The following GAMT variants were observed in gnomAD, a reference collection of about 807,000 sequenced individuals.
GAMT encodes the protein guanidinoacetate N-methyltransferase, also known as epididymis secretory protein Li 20.
Under a neutral mutation model 26.9 loss-of-function variants are expected in GAMT, and 26 were observed. The ratio of observed to expected loss-of-function variants is 0.97; its 90% confidence interval spans 0.71 to 1.34. The LOEUF is 1.34. Ranked by LOEUF, GAMT falls within the 40% of genes most tolerant of loss-of-function variation. The probability of loss-of-function intolerance (pLI) is 0.00; values close to 1 mark genes in which losing one functional copy is unlikely to be tolerated. For synonymous variants in GAMT, 169 were observed against 149.6 expected (o/e 1.13, Z -0.95); for missense variants, 412 against 345.0 (o/e 1.19, Z -1.54).
At position 1,399,689 on chromosome 19, in the gene GAMT, ACCACCTCCT is replaced by A; in HGVS notation, c.327+95_327+103del. 3 of 1,523,124 alleles carry A rather than the reference ACCACCTCCT, an allele frequency of 2.0e-6. No individual in the cohort carries two copies. In the South Asian group the frequency reaches 3.6e-5, roughly 18 times the overall value. 94.4% of individuals were successfully genotyped at this position (1,523,124 alleles called of 1,614,324 possible). ...GCCAGGGGGACTCCCGAGAGAGAAG[ACCACCTCCT>A]CCACCTCTGACAGCCCCAGGCCCCC... On this transcript the variant is annotated intron_variant, in intron 2 of 5. Transcript: ENST00000252288. This position sits in a 1 kb window ranked among gnomAD's most constrained non-coding sequence, Gnocchi z 6.2.
rs368123759 is a variant in GAMT at position 1,397,686 on chromosome 19, G to A, written c.571-187C>T. The A allele has an allele frequency of 1.2e-4, 169 of 1,384,874 alleles. No individual in the cohort carries two copies. The East Asian group carries it at 2.7e-3, about 22-fold the overall frequency. The allele number at this position is 1,384,874 out of a possible 1,614,324, so 85.8% of individuals were successfully genotyped here. On this transcript the variant is annotated intron_variant, in intron 5 of 5. Coordinates refer to ENST00000252288, the MANE Select transcript of GAMT (RefSeq NM_000156.6). ...ACGGGAATCTCCAGCTCCCCAGTGC[G>A]GGCAGCAGCTTCCCGGCTGTCCTGG... is the stretch of plus-strand genomic sequence containing the variant.
chr19:1,401,407 G>A lies in GAMT; in HGVS notation c.70C>T (p.Pro24Ser). The change falls in exon 1 of 6, where the codon CCC (proline) becomes TCC (serine). Residue 24 changes from proline (P) to serine (S), a missense_variant. Physicochemically the swap from Pro to Ser is moderately conservative, Grantham distance 74 (BLOSUM62 -1). Transcript: ENST00000252288. ...GTGTCCGCTGCGTCGTAGGCCGCGGGCGCCGCCCCCCACGCGGGGCTGCAG... is the reference window on the plus strand; with the variant it reads ...GTGTCCGCTGCGTCGTAGGCCGCGGACGCCGCCCCCCACGCGGGGCTGCAG... ...ENCSPAWGAA[P>S]AAYDAADTHL... 1 of 1,455,590 alleles carries A rather than the reference G, an allele frequency of 6.9e-7. No individual in the cohort carries two copies. The highest frequency in any genetic ancestry group is 9.0e-7 in the Non-Finnish European group (1 of 1,106,826). The allele number at this position is 1,455,590 out of a possible 1,614,324, so 90.2% of individuals were successfully genotyped here. A position where few individuals can be genotyped will look rare whatever the true frequency, so the allele number is the denominator to read the frequency against.
chr19:1,398,200 T>A, intron 5 of GAMT: 2 of 496,396 alleles, frequency 4.0e-6, no homozygotes, highest in Non-Finnish European at 5.2e-6. Context: ...CATGTTCAAG[T>A]GATTCTCATG....
chr19:1,401,391 G>A lies in GAMT; in HGVS notation c.86C>T (p.Ala29Val). Residue 29 changes from alanine (A) to valine (V), a missense_variant, in exon 1 of 6, where the codon GCA becomes GTA. Transcript: ENST00000252288. ...CAGGATGCGCAGGTGCGTGTCCGCTGCGTCGTAGGCCGCGGGCGCCGCCCC... is the reference window on the plus strand; with the variant it reads ...CAGGATGCGCAGGTGCGTGTCCGCTACGTCGTAGGCCGCGGGCGCCGCCCC... ...AWGAAPAAYD[A>V]ADTHLRILGK... The A allele has an allele frequency of 2.0e-6, 3 of 1,475,176 alleles. No homozygotes were observed. Among genetic ancestry groups the A allele is most frequent in the African/African-American group, 1.5e-5 (1 of 68,936 alleles). The allele number at this position is 1,475,176 out of a possible 1,614,324, so 91.4% of individuals were successfully genotyped here.
At position 1,401,342 on chromosome 19, in the gene GAMT, C is replaced by T; in HGVS notation, c.135G>A (p.Trp45Ter). 6.5e-7 allele frequency: 1 copy of T among 1,538,032 alleles called. No homozygotes were observed. The highest frequency in any genetic ancestry group is 8.7e-7 in the Non-Finnish European group (1 of 1,151,300). Reference sequence around the variant, plus strand: ...CCAGCGCGTGCATATAGGGGGTCTCCCAGCGCTCCATCACCGGCTTGCCCA... The same window carrying T: ...CCAGCGCGTGCATATAGGGGGTCTCTCAGCGCTCCATCACCGGCTTGCCCA... ...RILGKPVMER[W>*]ETPYMHALAA... Residue 45 changes from tryptophan to a stop codon, truncating the protein, a stop_gained, in exon 1 of 6, where the codon TGG becomes TGA. Coordinates refer to ENST00000252288, the MANE Select transcript of GAMT (RefSeq NM_000156.6). LOFTEE classifies it high-confidence loss of function.
At chr19:1,397,851 C>T (rs2082609568) in intron 5 of GAMT, 3 of 1,153,886 alleles carry the variant, frequency 2.6e-6, no homozygotes, top group Admixed American at 8.2e-5. Context: ...AGAAAAGCTG[C>T]CCCAGGGGCC....
chr19:1,398,971 G>T lies in GAMT; in HGVS notation c.515C>A (p.Thr172Asn). Residue 172 changes from threonine to asparagine, a missense_variant, in exon 5 of 6, where the codon ACC (threonine) becomes AAC (asparagine). Physicochemically the swap from Thr to Asn is moderately conservative, Grantham distance 65. Coordinates refer to ENST00000252288, the MANE Select transcript of GAMT (RefSeq NM_000156.6). ...PGGVLTYCNL[T>N]SWGELMKSKY... ...GGACTTCATCAGCTCCCCCCAGGAG[G>T]TGAGGTTGCAGTAGGTGAGGACGCC... The T allele has an allele frequency of 6.2e-7, 1 of 1,613,496 alleles. No individual in the cohort carries two copies.
Position 1,399,721 on chromosome 19 carries a change from C to T in GAMT, c.327+72G>A. On this transcript the variant is annotated intron_variant, in intron 2 of 5. Coordinates refer to ENST00000252288, the MANE Select transcript of GAMT (RefSeq NM_000156.6). The surrounding 1 kb of genome is among the most constrained non-coding windows in gnomAD (Gnocchi z 6.2). Reference sequence around the variant, plus strand: ...CCTCCACCTCTGACAGCCCCAGGCCCCCAACCCCCAGGAAGCAGTGCCCTC... The same window carrying T: ...CCTCCACCTCTGACAGCCCCAGGCCTCCAACCCCCAGGAAGCAGTGCCCTC... 1.3e-6 allele frequency: 2 copies of T among 1,530,864 alleles called. No homozygotes were observed. The highest frequency in any genetic ancestry group is 1.8e-6 in the Non-Finnish European group (2 of 1,139,186). The allele number at this position is 1,530,864 out of a possible 1,614,324, so 94.8% of individuals were successfully genotyped here.
rs1441030187 is a variant in GAMT, at chr19:1,399,896, G to A, written c.224C>T (p.Ala75Val). ...AATGGGCGCCTCCTGCACCTTTGAC[G>A]CTGCGATGGCCATGCCAAAGCCCAC... ...LEVGFGMAIA[A>V]SKVQEAPIDE... Residue 75 changes from alanine to valine, a missense_variant, in exon 2 of 6, where the codon GCG becomes GTG. Physicochemically the swap from Ala to Val is moderately conservative, Grantham distance 64. Coordinates refer to ENST00000252288, the MANE Select transcript of GAMT (RefSeq NM_000156.6). This position sits in a 1 kb window ranked among gnomAD's most constrained non-coding sequence, Gnocchi z 6.2. 43 of 1,608,426 alleles carry A rather than the reference G, an allele frequency of 2.7e-5. No homozygotes were observed. Among genetic ancestry groups the A allele is most frequent in the South Asian group, 6.7e-5 (6 of 90,020 alleles).
Position 1,401,289 on chromosome 19 carries a change from G to C in GAMT, c.181+7C>G. 1 of 1,491,770 alleles carries C rather than the reference G, an allele frequency of 6.7e-7. No individual in the cohort carries two copies. Among genetic ancestry groups the C allele is most frequent in the East Asian group, 2.7e-5 (1 of 36,630 alleles). The allele number at this position is 1,491,770 out of a possible 1,614,324, so 92.4% of individuals were successfully genotyped here. The stretch of plus-strand genomic sequence containing the variant: ...CCCGGGGGCGGTGCAGGCCGGGCGG[G>C]GGCTACCTTTGGAGGAGGCGGCGGC... On this transcript the variant is annotated splice_region_variant and intron_variant, in intron 1 of 5. Transcript: ENST00000252288.
At chr19:1,400,007 A>ACAGGG (rs1245044654) in intron 1 of GAMT, 69 bp from the exon 2 acceptor site, 3 of 1,536,202 alleles carry the variant, frequency 2.0e-6, no homozygotes, top group African/African-American at 2.8e-5. Context: ...GAGGAGGGGC[A>ACAGGG]CAGGGCAGGG....
At chr19:1,398,147 G>A in intron 5 of GAMT, 7 of 934,962 alleles carry the variant, frequency 7.5e-6, no homozygotes, top group Non-Finnish European at 9.0e-6. Context: ...GCCCAGGCTG[G>A]AGTACAACGG....
chr19:1,401,527 C>G lies in GAMT; in HGVS notation c.-51G>C. 1 of 1,250,320 alleles carries G rather than the reference C, an allele frequency of 8.0e-7. No individual in the cohort carries two copies. The highest frequency in any genetic ancestry group is 3.2e-5 in the East Asian group (1 of 30,918). The allele number at this position is 1,250,320 out of a possible 1,614,324, so 77.5% of individuals were successfully genotyped here. ...CTCGATCGCGCGCCGCCCGGGCCCG[C>G]TCCCTGCAGGGGCTTGTGGGCCGGG... is the stretch of plus-strand genomic sequence containing the variant. On this transcript the variant is annotated 5_prime_UTR_variant, in exon 1 of 6. Coordinates refer to ENST00000252288, the MANE Select transcript of GAMT (RefSeq NM_000156.6).
Position 1,399,432 on chromosome 19 carries a change from C to A in GAMT, c.391+92G>T. The A allele has an allele frequency of 7.9e-7, 1 of 1,261,134 alleles. No homozygotes were observed. The highest frequency in any genetic ancestry group is 1.3e-5 in the South Asian group (1 of 76,172). The allele number at this position is 1,261,134 out of a possible 1,614,324, so 78.1% of individuals were successfully genotyped here. On this transcript the variant is annotated intron_variant, in intron 3 of 5. Coordinates refer to ENST00000252288, the MANE Select transcript of GAMT (RefSeq NM_000156.6). This position sits in a 1 kb window ranked among gnomAD's most constrained non-coding sequence, Gnocchi z 6.2. ...CCACACCCACTTGGGCTCTGTCCCC[C>A]CAGTGCACATCAGAGGGACCCCCAC...
rs1007165297 is a variant in GAMT at position 1,399,889 on chromosome 19, C to T, written c.231G>A (p.Lys77=). Residue 77 remains lysine, a synonymous_variant, in exon 2 of 6, where the codon AAG becomes AAA. Transcript: ENST00000252288. The surrounding 1 kb of genome is among the most constrained non-coding windows in gnomAD (Gnocchi z 6.2). ...VGFGMAIAAS[K]VQEAPIDEHW... is the part of the protein sequence containing the mutation. ...GCTCATCAATGGGCGCCTCCTGCAC[C>T]TTTGACGCTGCGATGGCCATGCCAA... 1 of 1,608,468 alleles carries T rather than the reference C, an allele frequency of 6.2e-7. No homozygotes were observed. Among genetic ancestry groups the T allele is most frequent in the South Asian group, 1.1e-5 (1 of 89,942 alleles).
At position 1,399,654 on chromosome 19, in the gene GAMT, A is replaced by C; in HGVS notation, c.328-67T>G. On this transcript the variant is annotated intron_variant, in intron 2 of 5. Transcript: ENST00000252288. This position sits in a 1 kb window ranked among gnomAD's most constrained non-coding sequence, Gnocchi z 6.2. ...GTCCCCAGGATCTCCCCACCTGCAG[A>C]AAGGGAGCGGCCAGGGGGACTCCCG... 1 of 1,553,610 alleles carries C rather than the reference A, an allele frequency of 6.4e-7. No individual in the cohort carries two copies. Among genetic ancestry groups the C allele is most frequent in the Non-Finnish European group, 8.7e-7 (1 of 1,143,448 alleles).
chr19:1,401,190 G>A, intron 1 of GAMT, 106 bp downstream of exon 1: 2 of 1,027,286 alleles, frequency 1.9e-6, no homozygotes, highest in Non-Finnish European at 2.6e-6. Flanking sequence ...CGAGGAGACA[G>A]AGGCGCCCCG....
intron 1 of GAMT, 44 bp downstream of exon 1, chr19:1,401,252 T>G: frequency 7.3e-7 from 1 of 1,372,980 alleles, no homozygotes; most frequent in Non-Finnish European, 9.5e-7. Context: ...CGGCCTCAGT[T>G]TCCCCTGCGC....
Position 1,398,934 on chromosome 19 carries a change from G to A in GAMT, c.552C>T (p.Asp184=). Reference sequence around the variant, plus strand: ...GGCGCACCTCAAACATGATGGTGATGTCTGAGTACTTGGACTTCATCAGCT... The same window carrying A: ...GGCGCACCTCAAACATGATGGTGATATCTGAGTACTTGGACTTCATCAGCT... ...WGELMKSKYS[D]ITIMFEETQV... The change falls in exon 5 of 6, where the codon GAC becomes GAT. Residue 184 remains aspartate (D), a synonymous_variant. Transcript: ENST00000252288. The A allele has an allele frequency of 6.2e-7, 1 of 1,613,400 alleles. No individual in the cohort carries two copies. Among genetic ancestry groups the A allele is most frequent in the Non-Finnish European group, 8.5e-7 (1 of 1,180,018 alleles).
Sources: gnomAD v4.1 joint callset for allele counts on GRCh38, gnomAD v4.1.1 for gene constraint, Gnocchi (gnomAD v3.1) non-coding constraint, MANE v1.5 for transcripts, NCBI Gene and HGNC (gene_info 2026-07-23, HGNC 2026-07-21) for gene names.